The following SPTBN1 variants were observed in gnomAD, a reference collection of about 807,000 sequenced individuals.
The protein encoded by SPTBN1 is spectrin beta chain, non-erythrocytic 1.
SPTBN1 carries 32 observed loss-of-function variants against 266.4 expected under a neutral mutation model. The ratio of observed to expected loss-of-function variants is 0.12; its 90% CI spans 0.09 to 0.16. The LOEUF (loss-of-function observed/expected upper bound fraction) is 0.16. SPTBN1 is among the 10% of genes least tolerant of loss of function. The probability of loss-of-function intolerance (pLI) is 1.00; values close to 1 mark genes in which losing one functional copy is unlikely to be tolerated. For missense variants in SPTBN1, 2,296 were observed against 3,067.1 expected (o/e 0.75, Z 5.94); for synonymous variants, 1,336 against 1,162.2 (o/e 1.15, Z -3.04).
At chr2:54,496,439 TAAAAAAAA>T (rs10623542) in intron 1 of SPTBN1, among the ~76,000 whole-genome samples, 18 of 126,386 alleles carry the variant, frequency 1.4e-4, no homozygotes, top group African/African-American at 5.4e-4. Flanking sequence ...CTCCGTGTCT[TAAAAAAAA>T]AAAAAAAAAA....
intron 1 of SPTBN1, among the ~76,000 whole-genome samples, chr2:54,501,432 A>G (rs1284033047): frequency 1.3e-5 from 2 of 152,122 alleles, no homozygotes; most frequent in East Asian, 3.9e-4. Flanking sequence ...TATTGTAGAA[A>G]CCTTCCTTCT....
chr2:54,467,720 A>C (rs1361636060), intron 1 of SPTBN1, among the ~76,000 whole-genome samples: 3 of 152,026 alleles, frequency 2.0e-5, no homozygotes, highest in Non-Finnish European at 4.4e-5. Context: ...TAGTTTTAAA[A>C]ATTAAAATAG....
rs1429049182 is a variant in SPTBN1, at chr2:54,659,993, T to A, written c.6414T>A (p.Ser2138=). The A allele has an allele frequency of 2.5e-6, 4 of 1,614,060 alleles. No individual in the cohort carries two copies. The African/African-American group carries it at 5.3e-5, about 22-fold the overall frequency. ...SQNGLPAEQG[S]PRMAETVDTS... is the part of the protein sequence containing the mutation. ...ACGGTTTGCCAGCTGAACAGGGATC[T>A]CCACGGGTTAGTTACCGCTCTCAAA... The change falls in exon 32 of 36, where the codon TCT becomes TCA. Residue 2138 remains serine, a synonymous_variant. Coordinates refer to ENST00000356805, the MANE Select transcript of SPTBN1 (RefSeq NM_003128.3).
chr2:54,583,431 A>G (rs1291836123), intron 2 of SPTBN1, among the ~76,000 whole-genome samples: 1 of 152,136 alleles, frequency 6.6e-6, no homozygotes, highest in Non-Finnish European at 1.5e-5. Context: ...AATCAAGGGT[A>G]TGAAATGGGA....
chr2:54,574,032 A>G (rs572395811), intron 2 of SPTBN1, among the ~76,000 whole-genome samples: 39 of 152,192 alleles, frequency 2.6e-4, no homozygotes, highest in African/African-American at 7.5e-4. Context: ...TAAATCTAAG[A>G]AATTTTTGTG....
At chr2:54,654,953 G>A in intron 27 of SPTBN1, 117 bp from the exon 28 acceptor site, 1 of 1,325,858 alleles carries the variant, frequency 7.5e-7, no homozygotes, top group Non-Finnish European at 1.0e-6. Context: ...AGACCTGAAA[G>A]ACCATCAGTT....
Position 54,655,198 on chromosome 2 carries a change from C to T in SPTBN1, c.5951C>T (p.Ala1984Val). Reference protein sequence around the residue: ...GKSLLARKHYASEEIKEKLLQ... With the variant: ...GKSLLARKHYVSEEIKEKLLQ... ...TCCCTGTTGGCGAGAAAACACTATG[C>T]ATCTGAGGAGGTAGGTTGCTACTTT... Residue 1984 changes from alanine to valine, a missense_variant, in exon 28 of 36, where the codon GCA becomes GTA. Coordinates refer to ENST00000356805, the MANE Select transcript of SPTBN1 (RefSeq NM_003128.3). 3.1e-6 allele frequency: 5 copies of T among 1,613,140 alleles called. No individual in the cohort carries two copies. Among genetic ancestry groups the T allele is most frequent in the Non-Finnish European group, 4.2e-6 (5 of 1,179,690 alleles).
chr2:54,518,575 C>CTT (rs1425669561), intron 1 of SPTBN1, among the ~76,000 whole-genome samples: 3 of 151,956 alleles, frequency 2.0e-5, no homozygotes, highest in Non-Finnish European at 4.4e-5. Context: ...CTTCAGAGTC[C>CTT]TTAGAAGGCC....
At chr2:54,460,993 A>C (rs1170234596) in intron 1 of SPTBN1, among the ~76,000 whole-genome samples, 1 of 152,064 alleles carries the variant, frequency 6.6e-6, no homozygotes, top group Non-Finnish European at 1.5e-5. Flanking sequence ...CAAGAGCGAG[A>C]CTCTGTCTCA....
Position 54,558,305 on chromosome 2 carries a change from T to C in SPTBN1, c.148+31739T>C. 1 of 987,632 alleles carries C rather than the reference T, an allele frequency of 1.0e-6. No homozygotes were observed. Among genetic ancestry groups the C allele is most frequent in the Non-Finnish European group, 1.2e-6 (1 of 831,368 alleles). 61.2% of individuals were successfully genotyped at this position (987,632 alleles called of 1,614,324 possible). A position where few individuals can be genotyped will look rare whatever the true frequency, so the allele number is the denominator to read the frequency against. ...CTGCATTTCTAATACAATGCTGTTA[T>C]GCTAATCAGGTGACATCACCGCCCA... On this transcript the variant is annotated intron_variant, in intron 2 of 35. Coordinates refer to ENST00000356805, the MANE Select transcript of SPTBN1 (RefSeq NM_003128.3). This position sits in a 1 kb window ranked among gnomAD's most constrained non-coding sequence, Gnocchi z 4.6.
Position 54,558,826 on chromosome 2 carries a change from G to C in SPTBN1, c.148+32260G>C. On this transcript the variant is annotated intron_variant, in intron 2 of 35. Transcript: ENST00000356805. This position sits in a 1 kb window ranked among gnomAD's most constrained non-coding sequence, Gnocchi z 4.6. ...GTATCTCCGGGCCGCTGTCGCCGGC[G>C]TACACGGGGCAGGTGCCTTACAACT... 6.2e-7 allele frequency: 1 copy of C among 1,613,858 alleles called. No homozygotes were observed. The highest frequency in any genetic ancestry group is 8.5e-7 in the Non-Finnish European group (1 of 1,179,820).
At chr2:54,481,391 AGTGT>A (rs72077761) in intron 1 of SPTBN1, among the ~76,000 whole-genome samples, 11,877 of 117,008 alleles carry the variant, frequency 0.1, 396 homozygotes, top group Middle Eastern at 0.14. Flanking sequence ...CAGAAACCTG[AGTGT>A]GTGTGTGTGT....
At chr2:54,635,599 G>C (rs184341666) in intron 17 of SPTBN1, among the ~76,000 whole-genome samples, 3 of 152,236 alleles carry the variant, frequency 2.0e-5, no homozygotes, top group Non-Finnish European at 2.9e-5. Context: ...AATCTTTCCA[G>C]TGTTTGAAGT....
chr2:54,474,690 C>G (rs1263463142), intron 1 of SPTBN1, among the ~76,000 whole-genome samples: 2 of 151,828 alleles, frequency 1.3e-5, no homozygotes, highest in African/African-American at 4.8e-5. Context: ...ATGGAATTAC[C>G]GTAACTATGT....
intron 1 of SPTBN1, among the ~76,000 whole-genome samples, chr2:54,485,144 GCCTCTCCCTCTCCCTCTC>G (rs1372086150): frequency 1.9e-5 from 2 of 104,458 alleles, no homozygotes; most frequent in South Asian, 6.4e-4. Flanking sequence ...GAAAACAATC[GCCTCTCCCTCTCCCTCTC>G]CCTCTCCCTC....
intron 26 of SPTBN1, 74 bp downstream of exon 26, chr2:54,650,063 T>C (rs1680169286): frequency 1.7e-5 from 25 of 1,508,072 alleles, no homozygotes; most frequent in Non-Finnish European, 2.2e-5. Flanking sequence ...TCTGTAAGTA[T>C]CTCCCTGTTC....
At position 54,465,367 on chromosome 2, in the gene SPTBN1, A is replaced by T. The variant is rs905100054; in HGVS notation, c.-48+8849A>T. ...CACTCGTGGAAACCTAAACACTGCTACTGGAGCTAGTTTGTAACCATTAGA... is the reference window on the plus strand; with the variant it reads ...CACTCGTGGAAACCTAAACACTGCTTCTGGAGCTAGTTTGTAACCATTAGA... On this transcript the variant is annotated intron_variant, in intron 1 of 35. Coordinates refer to ENST00000356805, the MANE Select transcript of SPTBN1 (RefSeq NM_003128.3). 2.6e-5 allele frequency among the ~76,000 whole-genome samples: 4 copies of T among 152,262 alleles called. No individual in the cohort carries two copies. The East Asian group carries it at 7.7e-4, about 29-fold the overall frequency.
Position 54,533,183 on chromosome 2 carries a change from C to T in SPTBN1, c.148+6617C>T, listed in dbSNP as rs1390696698. On this transcript the variant is annotated intron_variant, in intron 2 of 35. Coordinates refer to ENST00000356805, the MANE Select transcript of SPTBN1 (RefSeq NM_003128.3). This position sits in a 1 kb window ranked among gnomAD's most constrained non-coding sequence, Gnocchi z 4.2. ...ACAAAGGGATGATTCACATACCAGG[C>T]GGGATGGAGCGAGATGGCGCAAGAT... 2.6e-5 allele frequency among the ~76,000 whole-genome samples: 4 copies of T among 152,026 alleles called. No individual in the cohort carries two copies. The East Asian group carries it at 7.7e-4, about 29-fold the overall frequency.
intron 3 of SPTBN1, among the ~76,000 whole-genome samples, chr2:54,608,387 G>A (rs547404072): frequency 7.2e-5 from 11 of 152,196 alleles, no homozygotes; most frequent in Admixed American, 4.6e-4. Context: ...TTGGAAATGG[G>A]AATGTCTCCG....
Sources: allele counts gnomAD v4.1 joint callset (sites outside exome capture counted in the v4.1 genomes callset), GRCh38; gene constraint gnomAD v4.1.1; non-coding constraint Gnocchi (gnomAD v3.1); transcripts MANE v1.5; gene names NCBI Gene and HGNC (gene_info 2026-07-23, HGNC 2026-07-21).